Variants in ENOX1 observed in about 807,000 individuals in gnomAD.
ENOX1 encodes the protein candidate growth-related and time keeping constitutive hydroquinone (NADH) oxidase.
ENOX1 carries 42 observed loss-of-function variants against 82.5 expected under a neutral mutation model. The ratio of observed to expected loss-of-function variants is 0.51; its 90% confidence interval spans 0.40 to 0.66. ENOX1 has a LOEUF of 0.66. Among genes scored for constraint, ENOX1 ranks in the 30% least tolerant of loss-of-function variants. ENOX1 has a pLI of 0.00. For synonymous variants in ENOX1, 271 were observed against 282.2 expected (o/e 0.96, Z 0.40); for missense variants, 608 against 811.6 (o/e 0.75, Z 3.05).
intron 5 of ENOX1, among the ~76,000 whole-genome samples, chr13:43,409,290 T>A (rs2053979438): frequency 6.6e-6 from 1 of 152,226 alleles, no homozygotes; most frequent in Non-Finnish European, 1.5e-5. Context: ...TTGAAAATGC[T>A]CATTTCTTTT....
Position 43,224,073 on chromosome 13 carries a change from T to C in ENOX1, c.1780A>G (p.Met594Val). Residue 594 changes from methionine (M) to valine (V), a missense_variant, in exon 16 of 17, where the codon ATG (methionine) becomes GTG (valine). Transcript: ENST00000690772. The stretch of plus-strand genomic sequence containing the variant: ...TTTACCTTGGAGTCCAGCTGCTGCA[T>C]GTATGACCAAAGATATTCTATGTTG... The part of the protein sequence containing the change: ...GANIEYLWSY[M>V]QQLDSKISAN... 6.2e-7 allele frequency: 1 copy of C among 1,613,940 alleles called. No individual in the cohort carries two copies.
intron 14 of ENOX1, among the ~76,000 whole-genome samples, chr13:43,237,221 T>A (rs2042591119): frequency 6.6e-6 from 1 of 152,208 alleles, no homozygotes; most frequent in Non-Finnish European, 1.5e-5. Flanking sequence ...TGGATCCTCA[T>A]GAATAAATGC....
intron 2 of ENOX1, among the ~76,000 whole-genome samples, chr13:43,596,359 T>C (rs752037250): frequency 4.6e-5 from 7 of 152,228 alleles, no homozygotes; most frequent in Admixed American, 1.3e-4. Flanking sequence ...ACAATTATCA[T>C]AGGAAATAAT....
intron 10 of ENOX1, among the ~76,000 whole-genome samples, chr13:43,323,211 A>T (rs1414195226): frequency 6.6e-6 from 1 of 152,244 alleles, no homozygotes; most frequent in Non-Finnish European, 1.5e-5. Flanking sequence ...ATGTTAGGGA[A>T]CAAAACACAA....
intron 11 of ENOX1, among the ~76,000 whole-genome samples, chr13:43,309,139 A>G (rs2047043090): frequency 6.6e-6 from 1 of 150,600 alleles, no homozygotes; most frequent in South Asian, 2.1e-4. Flanking sequence ...CTCCTGCCTC[A>G]GCCTCCCATC....
chr13:43,261,705 T>C (rs1452000970), intron 14 of ENOX1, among the ~76,000 whole-genome samples: 2 of 150,110 alleles, frequency 1.3e-5, no homozygotes, highest in Non-Finnish European at 3.0e-5. Flanking sequence ...TGGATGAAAT[T>C]GGAAATCATC....
intron 3 of ENOX1, among the ~76,000 whole-genome samples, chr13:43,442,823 G>A (rs1162088190): frequency 2.6e-5 from 4 of 152,128 alleles, no homozygotes; most frequent in Admixed American, 6.5e-5. Flanking sequence ...GCCCATGCAA[G>A]TAATTTTTTA....
chr13:43,373,502 T>G (rs994575061), intron 5 of ENOX1, among the ~76,000 whole-genome samples: 27 of 152,324 alleles, frequency 1.8e-4, no homozygotes, highest in African/African-American at 6.0e-4. Flanking sequence ...CACTTTCCCC[T>G]TAAACTGAGT....
At chr13:43,315,000 T>C (rs2047399659) in intron 11 of ENOX1, among the ~76,000 whole-genome samples, 1 of 152,202 alleles carries the variant, frequency 6.6e-6, no homozygotes, top group African/African-American at 2.4e-5. Flanking sequence ...AGAAAACTTT[T>C]AACAAAGGCT....
At chr13:43,287,237 G>T (rs532399589) in intron 12 of ENOX1, among the ~76,000 whole-genome samples, 1 of 152,238 alleles carries the variant, frequency 6.6e-6, no homozygotes, top group East Asian at 1.9e-4. Context: ...TGTTGTAAGG[G>T]GCATTGGAGT....
At chr13:43,464,065 G>T (rs906747802) in intron 3 of ENOX1, among the ~76,000 whole-genome samples, 18 of 152,186 alleles carry the variant, frequency 1.2e-4, no homozygotes, top group African/African-American at 4.3e-4. Context: ...AAACATTTCA[G>T]AAAGGTGTCC....
intron 3 of ENOX1, among the ~76,000 whole-genome samples, chr13:43,463,563 A>T (rs1245277214): frequency 6.6e-6 from 1 of 152,208 alleles, no homozygotes; most frequent in Non-Finnish European, 1.5e-5. Context: ...CTTTACTGAC[A>T]ACTACTTCAA....
intron 12 of ENOX1, among the ~76,000 whole-genome samples, chr13:43,291,910 C>A (rs537202416): frequency 2.0e-5 from 3 of 152,264 alleles, no homozygotes; most frequent in African/African-American, 7.2e-5. Context: ...TAAAATGAAG[C>A]CTGCCTGTCA....
intron 16 of ENOX1, among the ~76,000 whole-genome samples, chr13:43,222,490 T>C (rs548547256): frequency 2.0e-5 from 3 of 152,130 alleles, no homozygotes; most frequent in Non-Finnish European, 4.4e-5. Context: ...CTGAAATTCT[T>C]TGATAAACGA....
intron 2 of ENOX1, among the ~76,000 whole-genome samples, chr13:43,625,924 AT>A (rs1349051048): frequency 6.6e-6 from 1 of 151,928 alleles, no homozygotes; most frequent in Non-Finnish European, 1.5e-5. Context: ...AGTATTAATT[AT>A]TCTTCAAACA....
chr13:43,584,313 C>T (rs2080880809), intron 2 of ENOX1, among the ~76,000 whole-genome samples: 1 of 152,212 alleles, frequency 6.6e-6, no homozygotes, highest in Admixed American at 6.5e-5. Context: ...TATACACATC[C>T]ATCCGCTTCA....
rs2054230734 is a variant in ENOX1 at position 43,413,070 on chromosome 13, C to G, written c.-74-82G>C. 3 of 1,325,624 alleles carry G rather than the reference C, an allele frequency of 2.3e-6. No individual in the cohort carries two copies. The Admixed American group carries it at 1.0e-4, about 44-fold the overall frequency. The allele number at this position is 1,325,624 out of a possible 1,614,324, so 82.1% of individuals were successfully genotyped here. A position where few individuals can be genotyped will look rare whatever the true frequency, so the allele number is the denominator to read the frequency against. Reference sequence around the variant, plus strand: ...GTCAAGGAACAAACTGTTATCTATTCAAAATCAAAAACAAAGACCGATTTC... The same window carrying G: ...GTCAAGGAACAAACTGTTATCTATTGAAAATCAAAAACAAAGACCGATTTC... On this transcript the variant is annotated intron_variant, in intron 3 of 16. Transcript: ENST00000690772.
intron 1 of ENOX1, among the ~76,000 whole-genome samples, chr13:43,692,788 G>A (rs1348314831): frequency 1.3e-5 from 2 of 152,132 alleles, no homozygotes; most frequent in South Asian, 2.1e-4. Context: ...TGAAGACGTG[G>A]GAAAATGGGC....
chr13:43,732,234 AAG>A (rs1308589705), intron 1 of ENOX1, among the ~76,000 whole-genome samples: 2 of 152,216 alleles, frequency 1.3e-5, no homozygotes, highest in African/African-American at 2.4e-5. Context: ...CAGGATGGAT[AAG>A]ACGAACTCCA....
Sources: allele counts gnomAD v4.1 joint callset (sites outside exome capture counted in the v4.1 genomes callset), GRCh38; gene constraint gnomAD v4.1.1; transcripts MANE v1.5; gene names NCBI Gene and HGNC (gene_info 2026-07-23, HGNC 2026-07-21).